CPED1: variants seen among roughly 807,000 people sequenced by gnomAD.
CPED1 encodes cadherin like and PC-esterase domain containing 1, also known as cadherin-like and PC-esterase domain-containing protein 1.
CPED1 carries 114 observed loss-of-function variants against 128.2 expected under a neutral mutation model. The ratio of observed to expected loss-of-function variants is 0.89; its 90% CI spans 0.76 to 1.04. CPED1 has a LOEUF of 1.04. CPED1 is among the 50% of genes least tolerant of loss of function. The pLI, the probability that CPED1 is intolerant of heterozygous loss-of-function variation, is 0.00. For synonymous variants in CPED1, 462 were observed against 426.7 expected (o/e 1.08, Z -1.02); for missense variants, 1,211 against 1,207.1 (o/e 1.00, Z -0.05).
chr7:121,132,017 G>A (rs1184158610), intron 12 of CPED1, among the ~76,000 whole-genome samples: 1 of 150,378 alleles, frequency 6.6e-6, no homozygotes, highest in Admixed American at 6.7e-5. Context: ...TAAGTTAATA[G>A]TGAGACAAGT....
intron 22 of CPED1, among the ~76,000 whole-genome samples, chr7:121,277,064 A>G (rs1236985512): frequency 1.3e-5 from 2 of 152,140 alleles, no homozygotes; most frequent in Non-Finnish European, 2.9e-5. Context: ...AAACCAGGAC[A>G]GAGAGTATAA....
chr7:121,100,723 C>T (rs1263849794), intron 7 of CPED1, among the ~76,000 whole-genome samples: 1 of 152,018 alleles, frequency 6.6e-6, no homozygotes, highest in East Asian at 1.9e-4. Context: ...TTTGATTTTA[C>T]AGTATTTTAT....
At chr7:121,026,146 A>C (rs1427104982) in intron 3 of CPED1, among the ~76,000 whole-genome samples, 2 of 152,194 alleles carry the variant, frequency 1.3e-5, no homozygotes, top group Non-Finnish European at 2.9e-5. Flanking sequence ...TGCCAACTTT[A>C]TATTTCCATT....
chr7:121,233,592 G>A (rs925962447), intron 16 of CPED1, among the ~76,000 whole-genome samples: 4 of 151,990 alleles, frequency 2.6e-5, no homozygotes, highest in African/African-American at 4.8e-5. Flanking sequence ...AGTAACTGAT[G>A]TATTCAATAT....
rs138661066 is a variant in CPED1 at position 121,120,797 on chromosome 7, C to T, written c.919-3534C>T. 6.7e-3 allele frequency among the ~76,000 whole-genome samples: 1,016 copies of T among 151,760 alleles called. 9 individuals are homozygous for T. Among genetic ancestry groups the T allele is most frequent in the African/African-American group, 0.023 (941 of 41,432 alleles). ...AGATGGGAGCAAGAGATAAGCATGC[C>T]GTCCTGAGGAAAGTGATGTTACCCA... On this transcript the variant is annotated intron_variant, in intron 7 of 22. Coordinates refer to ENST00000310396, the MANE Select transcript of CPED1 (RefSeq NM_024913.5).
intron 8 of CPED1, among the ~76,000 whole-genome samples, chr7:121,124,800 T>A (rs1723218545): frequency 6.6e-6 from 1 of 152,224 alleles, no homozygotes; most frequent in African/African-American, 2.4e-5. Flanking sequence ...GGTATAATTT[T>A]ACTTATACAT....
chr7:121,149,859 C>T (rs1334763878), intron 16 of CPED1, among the ~76,000 whole-genome samples: 4 of 152,146 alleles, frequency 2.6e-5, no homozygotes. Flanking sequence ...GAGGGAACCT[C>T]TTTTTGATTA....
At chr7:121,033,497 A>G (rs551368969) in intron 3 of CPED1, among the ~76,000 whole-genome samples, 1 of 152,334 alleles carries the variant, frequency 6.6e-6, no homozygotes, top group African/African-American at 2.4e-5. Flanking sequence ...AGTGTCCTAC[A>G]CACTTTAAAA....
At chr7:121,103,576 T>C (rs1402868993) in intron 7 of CPED1, among the ~76,000 whole-genome samples, 1 of 152,188 alleles carries the variant, frequency 6.6e-6, no homozygotes, top group African/African-American at 2.4e-5. Context: ...TTCTCACTGC[T>C]AATGTGGAGG....
chr7:121,076,887 G>A (rs1563016540), intron 5 of CPED1, among the ~76,000 whole-genome samples: 1 of 152,000 alleles, frequency 6.6e-6, no homozygotes, highest in Admixed American at 6.6e-5. Flanking sequence ...CATTGATCTA[G>A]ATTGCAGTGG....
chr7:121,137,262 C>T (rs1460349911), intron 14 of CPED1, among the ~76,000 whole-genome samples: 2 of 152,016 alleles, frequency 1.3e-5, no homozygotes, highest in Non-Finnish European at 2.9e-5. Context: ...ACCTCGACTT[C>T]CTGGGCACAA....
intron 22 of CPED1, among the ~76,000 whole-genome samples, chr7:121,286,048 G>A (rs1174066212): frequency 2.6e-5 from 4 of 152,068 alleles, no homozygotes; most frequent in South Asian, 2.1e-4. Context: ...CGGAAGCCTC[G>A]GGAAACTTAA....
intron 16 of CPED1, among the ~76,000 whole-genome samples, chr7:121,232,584 C>T (rs1488664571): frequency 1.3e-5 from 2 of 152,118 alleles, no homozygotes; most frequent in African/African-American, 4.8e-5. Context: ...GTGAATTTAT[C>T]TCCCCAGGAA....
intron 22 of CPED1, among the ~76,000 whole-genome samples, chr7:121,293,945 C>T (rs1792767056): frequency 6.6e-6 from 1 of 152,040 alleles, no homozygotes; most frequent in Non-Finnish European, 1.5e-5. Flanking sequence ...TGGAGCTGTT[C>T]CTATTTGGCG....
intron 4 of CPED1, among the ~76,000 whole-genome samples, chr7:121,059,303 T>C (rs1040359372): frequency 6.6e-6 from 1 of 152,200 alleles, no homozygotes; most frequent in Non-Finnish European, 1.5e-5. Flanking sequence ...GTGAATTTGA[T>C]GGAATGATAA....
intron 7 of CPED1, among the ~76,000 whole-genome samples, chr7:121,106,925 A>G (rs1342110035): frequency 6.6e-6 from 1 of 152,152 alleles, no homozygotes; most frequent in African/African-American, 2.4e-5. Context: ...TGTTTAGAGT[A>G]AAAACCAAGC....
chr7:121,146,371 T>G (rs1276426005), intron 16 of CPED1, among the ~76,000 whole-genome samples: 2 of 152,182 alleles, frequency 1.3e-5, no homozygotes, highest in Non-Finnish European at 2.9e-5. Context: ...CGAAAAATCT[T>G]AATACCATCA....
chr7:121,271,719 T>C lies in CPED1; in HGVS notation c.2868+289T>C, dbSNP rs1792233374. 2.0e-5 allele frequency among the ~76,000 whole-genome samples: 3 copies of C among 152,176 alleles called. No homozygotes were observed. The South Asian group carries it at 6.2e-4, about 32-fold the overall frequency. On this transcript the variant is annotated intron_variant, in intron 22 of 22. Transcript: ENST00000310396. ...CCTGGAGAGCACTTATTTTCTCTAA[T>C]AGACTTCAAGCCTTCCCATCAGAAA...
intron 5 of CPED1, 77 bp from the exon 6 acceptor site, chr7:121,097,622 C>T (rs1794730357): frequency 3.9e-6 from 6 of 1,522,010 alleles, no homozygotes; most frequent in Admixed American, 3.6e-5. Flanking sequence ...CAGTTTAATA[C>T]AGCATACTCT....
Sources: allele counts gnomAD v4.1 joint callset (sites outside exome capture counted in the v4.1 genomes callset), GRCh38; gene constraint gnomAD v4.1.1; transcripts MANE v1.5; gene names NCBI Gene and HGNC (gene_info 2026-07-23, HGNC 2026-07-21).